The following NME7 variants were observed in gnomAD, a reference collection of about 807,000 sequenced individuals.
The protein encoded by NME7 is NME/NM23 family member 7.
A neutral mutation model predicts 49.1 loss-of-function variants in NME7; 41 were observed. The observed-to-expected ratio is 0.83, with a 90% CI of 0.65 to 1.08. NME7 has a LOEUF of 1.08. Among genes scored for constraint, NME7 ranks in the 50% least tolerant of loss-of-function variants. NME7 has a pLI of 0.00. For missense variants in NME7, 423 were observed against 463.4 expected, an observed-to-expected ratio of 0.91 and a Z score of 0.80; for synonymous variants, 139 against 150.6, an observed-to-expected ratio of 0.92 and a Z score of 0.56.
intron 1 of NME7, among the ~76,000 whole-genome samples, chr1:169,355,619 AT>A (rs1481407809): frequency 6.6e-6 from 1 of 151,318 alleles, no homozygotes; most frequent in Non-Finnish European, 1.5e-5. Context: ...TGGATGTACT[AT>A]TTCCTCTACC....
At chr1:169,162,542 GT>G (rs947558761) in intron 11 of NME7, among the ~76,000 whole-genome samples, 5 of 152,234 alleles carry the variant, frequency 3.3e-5, no homozygotes, top group African/African-American at 1.2e-4. Flanking sequence ...GTGTTTTAAT[GT>G]TTAAAAAATA....
chr1:169,221,967 T>C (rs1357159118), intron 10 of NME7, among the ~76,000 whole-genome samples: 3 of 152,130 alleles, frequency 2.0e-5, no homozygotes, highest in Non-Finnish European at 4.4e-5. Flanking sequence ...TCTTGCTATA[T>C]TGACCAGGCT....
At chr1:169,133,309 T>TTA (rs1658310269) in intron 11 of NME7, among the ~76,000 whole-genome samples, 3 of 152,226 alleles carry the variant, frequency 2.0e-5, no homozygotes, top group Non-Finnish European at 4.4e-5. Flanking sequence ...TTAACTAACA[T>TTA]GGGAAATGCC....
intron 3 of NME7, among the ~76,000 whole-genome samples, chr1:169,316,979 C>T (rs1651654437): frequency 6.8e-6 from 1 of 147,820 alleles, no homozygotes; most frequent in Non-Finnish European, 1.5e-5. Context: ...TCAACTAATC[C>T]AAAGAAAAGG....
At chr1:169,157,309 A>G (rs1361490727) in intron 11 of NME7, among the ~76,000 whole-genome samples, 4 of 152,196 alleles carry the variant, frequency 2.6e-5, no homozygotes, top group Non-Finnish European at 5.9e-5. Context: ...AAAGTCCCTT[A>G]TAAGCCCAGG....
At chr1:169,310,436 A>G (rs1651339155) in intron 3 of NME7, among the ~76,000 whole-genome samples, 1 of 152,216 alleles carries the variant, frequency 6.6e-6, no homozygotes, top group Non-Finnish European at 1.5e-5. Flanking sequence ...TGCATTAAAT[A>G]TATTATGAGC....
At chr1:169,249,488 G>C (rs1648469483) in intron 7 of NME7, among the ~76,000 whole-genome samples, 1 of 152,056 alleles carries the variant, frequency 6.6e-6, no homozygotes, top group Non-Finnish European at 1.5e-5. Context: ...ATCCTTGCCT[G>C]ATTGCTCTGG....
At chr1:169,309,059 T>A (rs948700799) in intron 4 of NME7, among the ~76,000 whole-genome samples, 1 of 152,180 alleles carries the variant, frequency 6.6e-6, no homozygotes, top group African/African-American at 2.4e-5. Flanking sequence ...AAGAAATGAT[T>A]ATAATTATCA....
chr1:169,168,161 C>T (rs1659468518), intron 11 of NME7, among the ~76,000 whole-genome samples: 1 of 152,172 alleles, frequency 6.6e-6, no homozygotes, highest in Non-Finnish European at 1.5e-5. Context: ...CATATAAAAA[C>T]CTCAAGTCAA....
At chr1:169,341,780 T>G (rs955902121) in intron 1 of NME7, among the ~76,000 whole-genome samples, 1 of 152,106 alleles carries the variant, frequency 6.6e-6, no homozygotes, top group African/African-American at 2.4e-5. Context: ...AAAAAAAATT[T>G]TTTTAACAAG....
chr1:169,296,558 C>T (rs1650716961), intron 6 of NME7, among the ~76,000 whole-genome samples: 1 of 152,102 alleles, frequency 6.6e-6, no homozygotes, highest in African/African-American at 2.4e-5. Flanking sequence ...AGTCTCCCGG[C>T]TTTAAATACC....
intron 1 of NME7, among the ~76,000 whole-genome samples, chr1:169,327,977 G>C (rs999298688): frequency 2.6e-5 from 4 of 152,148 alleles, no homozygotes; most frequent in African/African-American, 4.8e-5. Flanking sequence ...ATACTGATCA[G>C]AAAGCTATTC....
intron 8 of NME7, among the ~76,000 whole-genome samples, chr1:169,235,541 T>C (rs980333921): frequency 7.9e-5 from 12 of 152,110 alleles, no homozygotes; most frequent in African/African-American, 2.7e-4. Context: ...TCAAGCAGTC[T>C]GACCCCATTG....
intron 5 of NME7, among the ~76,000 whole-genome samples, chr1:169,299,602 G>A (rs1650861376): frequency 6.6e-6 from 1 of 152,148 alleles, no homozygotes; most frequent in Middle Eastern, 3.4e-3. Context: ...GGAGAAAGGA[G>A]CATGGTGTGA....
At chr1:169,301,211 C>T (rs937862800) in intron 5 of NME7, among the ~76,000 whole-genome samples, 6 of 151,876 alleles carry the variant, frequency 4.0e-5, no homozygotes, top group Admixed American at 1.3e-4. Context: ...GAATCTGTAA[C>T]GACCTTAAAT....
At chr1:169,152,493 T>G (rs12140967) in intron 11 of NME7, among the ~76,000 whole-genome samples, 57,392 of 151,950 alleles carry the variant, frequency 0.38, 11,313 homozygotes, top group East Asian at 0.73. Flanking sequence ...GGGCACAAAG[T>G]GAGTGCTTTC....
intron 11 of NME7, 118 bp from the exon 12 acceptor site, chr1:169,132,935 T>TAA (rs1658282742): frequency 1.5e-6 from 1 of 646,348 alleles, no homozygotes; most frequent in East Asian, 2.9e-5. Context: ...CCAAAGACAC[T>TAA]AAAAGTTAAT....
intron 10 of NME7, among the ~76,000 whole-genome samples, chr1:169,194,903 G>A (rs565620649): frequency 6.6e-6 from 1 of 152,166 alleles, no homozygotes; most frequent in South Asian, 2.1e-4. Context: ...AAGTTAACTG[G>A]AATATTATAC....
chr1:169,205,999 T>A (rs1393922969), intron 10 of NME7, among the ~76,000 whole-genome samples: 3 of 152,026 alleles, frequency 2.0e-5, no homozygotes, highest in African/African-American at 7.2e-5. Flanking sequence ...GTCACCCTCA[T>A]CTCCTTCAAG....
Sources: gnomAD v4.1 joint callset for allele counts (sites outside exome capture counted in the v4.1 genomes callset) on GRCh38, gnomAD v4.1.1 for gene constraint, MANE v1.5 for transcripts, NCBI Gene and HGNC (gene_info 2026-07-23, HGNC 2026-07-21) for gene names.